ROBO2: variants seen among roughly 807,000 people sequenced by gnomAD.
The protein encoded by ROBO2 is roundabout homolog 2.
ROBO2 carries 53 observed loss-of-function variants against 160.8 expected under a neutral mutation model. The ratio of observed to expected loss-of-function variants is 0.33; its 90% CI spans 0.26 to 0.41. The LOEUF (loss-of-function observed/expected upper bound fraction) is 0.41, where lower values mean the gene tolerates loss of function less well. Among genes scored for constraint, ROBO2 ranks in the 10% least tolerant of loss-of-function variants. The probability of loss-of-function intolerance (pLI) is 1.00; values close to 1 mark genes in which losing one functional copy is unlikely to be tolerated. For synonymous variants in ROBO2, 664 were observed against 611.7 expected, an observed-to-expected ratio of 1.09 and a Z score of -1.26; for missense variants, 1,577 against 1,722.4, an observed-to-expected ratio of 0.92 and a Z score of 1.49.
intron 2 of ROBO2, among the ~76,000 whole-genome samples, chr3:76,879,221 G>C (rs1447528560): frequency 1.3e-5 from 2 of 152,060 alleles, no homozygotes; most frequent in African/African-American, 4.8e-5. Flanking sequence ...ATGTGAAGGG[G>C]AGAAGAGAAA....
At position 77,565,155 on chromosome 3, in the gene ROBO2, G is replaced by A. The variant is rs1367802155; in HGVS notation, c.1849+35G>A. 1.9e-6 allele frequency: 3 copies of A among 1,610,204 alleles called. No individual in the cohort carries two copies. In the African/African-American group the frequency reaches 4.0e-5, roughly 22 times the overall value. On this transcript the variant is annotated intron_variant, in intron 12 of 25. Transcript: ENST00000461745. ...ACAGCTGTCAACAAGACTGGTTCTA[G>A]GCAGAAACATCAGATATTTAAGAAC...
intron 2 of ROBO2, among the ~76,000 whole-genome samples, chr3:76,413,931 G>A (rs1356138111): frequency 9.9e-6 from 1 of 101,314 alleles, no homozygotes; most frequent in African/African-American, 4.6e-5. Context: ...CCAAGACTGG[G>A]AGGAAAAAAT....
At chr3:77,114,878 A>G (rs1203960807) in intron 2 of ROBO2, among the ~76,000 whole-genome samples, 1 of 152,194 alleles carries the variant, frequency 6.6e-6, no homozygotes, top group Non-Finnish European at 1.5e-5. Flanking sequence ...TCACCCAAAT[A>G]GCATAATTTT....
At chr3:76,143,016 A>T (rs1452379992) in intron 2 of ROBO2, among the ~76,000 whole-genome samples, 1 of 151,804 alleles carries the variant, frequency 6.6e-6, no homozygotes, top group Admixed American at 6.6e-5. Context: ...TGTGCTCTGG[A>T]TGGGAGTTTA....
At chr3:76,421,910 GCTTT>G (rs1348832403) in intron 2 of ROBO2, among the ~76,000 whole-genome samples, 1 of 152,124 alleles carries the variant, frequency 6.6e-6, no homozygotes. Context: ...ATCCTTTTAT[GCTTT>G]CTTTTTGTCT....
intron 2 of ROBO2, among the ~76,000 whole-genome samples, chr3:77,242,336 C>G (rs963424795): frequency 1.3e-5 from 2 of 152,070 alleles, no homozygotes; most frequent in African/African-American, 4.8e-5. Context: ...TTTTGGCAAA[C>G]AAAATTCTTT....
At chr3:76,498,863 A>G (rs983315201) in intron 2 of ROBO2, among the ~76,000 whole-genome samples, 4 of 151,736 alleles carry the variant, frequency 2.6e-5, no homozygotes, top group African/African-American at 4.8e-5. Flanking sequence ...TGATTTTTGT[A>G]TTTGTAGTAG....
At chr3:77,134,420 T>A (rs780025725) in intron 2 of ROBO2, among the ~76,000 whole-genome samples, 2 of 152,224 alleles carry the variant, frequency 1.3e-5, no homozygotes, top group Non-Finnish European at 2.9e-5. Flanking sequence ...AATCTATTCT[T>A]CTCAGAGAGC....
At chr3:77,015,180 A>C (rs2062162421) in intron 2 of ROBO2, among the ~76,000 whole-genome samples, 1 of 152,228 alleles carries the variant, frequency 6.6e-6, no homozygotes, top group Non-Finnish European at 1.5e-5. Flanking sequence ...TCAATTAACC[A>C]AAAAGGCCAA....
chr3:76,503,887 G>T (rs892204180), intron 2 of ROBO2, among the ~76,000 whole-genome samples: 1 of 152,130 alleles, frequency 6.6e-6, no homozygotes, highest in African/African-American at 2.4e-5. Flanking sequence ...TAAAAGTTTG[G>T]CTTTCAAATA....
At chr3:77,122,116 T>A (rs1423269171) in intron 2 of ROBO2, among the ~76,000 whole-genome samples, 1 of 152,210 alleles carries the variant, frequency 6.6e-6, no homozygotes, top group East Asian at 1.9e-4. Context: ...TTTGTGAATA[T>A]AAAGTGCAAC....
chr3:77,318,225 G>T (rs1441099534), intron 2 of ROBO2, among the ~76,000 whole-genome samples: 1 of 151,804 alleles, frequency 6.6e-6, no homozygotes, highest in Non-Finnish European at 1.5e-5. Context: ...GTAGAGATGG[G>T]GTTTCGCCAT....
intron 2 of ROBO2, among the ~76,000 whole-genome samples, chr3:77,274,148 A>G (rs577314810): frequency 7.2e-5 from 11 of 152,292 alleles, no homozygotes; most frequent in Middle Eastern, 3.4e-3. Flanking sequence ...AACCAAAACT[A>G]AACACTTTTT....
chr3:77,197,315 T>C (rs987198937), intron 2 of ROBO2, among the ~76,000 whole-genome samples: 6 of 152,192 alleles, frequency 3.9e-5, no homozygotes, highest in Non-Finnish European at 8.8e-5. Flanking sequence ...GCTTCATTAA[T>C]GAGCAATAGA....
intron 1 of ROBO2, among the ~76,000 whole-genome samples, chr3:75,921,631 G>T (rs1388679623): frequency 6.6e-6 from 1 of 152,062 alleles, no homozygotes; most frequent in Non-Finnish European, 1.5e-5. Context: ...TCTGCAAAGG[G>T]TGTGTGTGTT....
chr3:76,818,006 G>A (rs2065832907), intron 2 of ROBO2, among the ~76,000 whole-genome samples: 1 of 151,920 alleles, frequency 6.6e-6, no homozygotes. Context: ...TTTCCTCTGG[G>A]TAGATACCCA....
At chr3:76,309,870 C>G (rs975223571) in intron 2 of ROBO2, among the ~76,000 whole-genome samples, 2 of 152,144 alleles carry the variant, frequency 1.3e-5, no homozygotes, top group African/African-American at 4.8e-5. Context: ...ATCGCCCAGG[C>G]TGGAGTATAG....
intron 2 of ROBO2, among the ~76,000 whole-genome samples, chr3:77,145,925 G>A (rs546479049): frequency 1.3e-5 from 2 of 152,212 alleles, no homozygotes; most frequent in South Asian, 2.1e-4. Context: ...AGTTTCTGAG[G>A]TGATGCTGTC....
rs1038714183 is a variant in ROBO2, at chr3:76,304,326, A to G, written c.109+366724A>G. ...AACAAAGAATTAAAGTGTGTTTTTA[A>G]TATGGCATTAAAACATTCAGATCTG... On this transcript the variant is annotated intron_variant, in intron 2 of 26. Transcript: ENST00000487694. 8.9e-4 allele frequency among the ~76,000 whole-genome samples: 135 copies of G among 152,244 alleles called. 1 individual carries two copies. The highest frequency in any genetic ancestry group is 3.1e-3 in the African/African-American group (127 of 41,466).
Sources: allele counts gnomAD v4.1 joint callset (sites outside exome capture counted in the v4.1 genomes callset), GRCh38; gene constraint gnomAD v4.1.1; transcripts MANE v1.5; gene names NCBI Gene and HGNC (gene_info 2026-07-23, HGNC 2026-07-21).